The following NRXN3 variants were observed in gnomAD, a reference collection of about 807,000 sequenced individuals.
NRXN3 encodes the protein neurexin III.
A neutral mutation model predicts 137.6 loss-of-function variants in NRXN3; 32 were observed. The observed-to-expected ratio is 0.23, with a 90% CI of 0.18 to 0.31. NRXN3 has a LOEUF of 0.31. NRXN3 is among the 10% of genes least tolerant of loss of function. The pLI is 1.00. For missense variants in NRXN3, 1,574 were observed against 2,062.5 expected (o/e 0.76, Z 4.59); for synonymous variants, 798 against 784.5 (o/e 1.02, Z -0.29).
At chr14:78,712,643 A>G (rs890290427) in intron 7 of NRXN3, among the ~76,000 whole-genome samples, 4 of 152,184 alleles carry the variant, frequency 2.6e-5, no homozygotes, top group Admixed American at 6.5e-5. Flanking sequence ...GCTCTCTGCA[A>G]TCCCCACCTC....
chr14:78,935,777 C>T (rs966463800), intron 10 of NRXN3, among the ~76,000 whole-genome samples: 14 of 152,112 alleles, frequency 9.2e-5, no homozygotes, highest in Non-Finnish European at 4.4e-5. Flanking sequence ...CTCTTCTTTT[C>T]TTTGTTTCAT....
chr14:79,056,185 G>C (rs928377144), intron 15 of NRXN3, among the ~76,000 whole-genome samples: 1 of 152,146 alleles, frequency 6.6e-6, no homozygotes, highest in African/African-American at 2.4e-5. Context: ...GGAAGCAAGG[G>C]TGCATAGGAA....
chr14:79,701,897 A>G (rs1309427665), intron 19 of NRXN3, among the ~76,000 whole-genome samples: 2 of 152,220 alleles, frequency 1.3e-5, no homozygotes, highest in African/African-American at 4.8e-5. Context: ...TAAAATGCTT[A>G]AAATAAGTGT....
chr14:79,597,264 G>C (rs73326100), intron 16 of NRXN3, among the ~76,000 whole-genome samples: 13,752 of 152,092 alleles, frequency 0.09, 1,310 homozygotes, highest in African/African-American at 0.24. Flanking sequence ...CTTCTCAGAA[G>C]TACTAAAAGT....
At chr14:79,853,576 C>G (rs749046796) in intron 20 of NRXN3, 1 of 1,351,680 alleles carries the variant, frequency 7.4e-7, no homozygotes, top group Non-Finnish European at 9.8e-7. Flanking sequence ...TCCGTGCCGC[C>G]CTTACATGGA....
intron 1 of NRXN3, among the ~76,000 whole-genome samples, chr14:78,200,448 A>G (rs1361410058): frequency 6.6e-6 from 1 of 152,146 alleles, no homozygotes; most frequent in East Asian, 1.9e-4. Context: ...TCTTCTGGGA[A>G]CTTGTGTGAA....
intron 10 of NRXN3, among the ~76,000 whole-genome samples, chr14:78,869,473 A>G (rs2099096092): frequency 6.6e-6 from 1 of 152,098 alleles, no homozygotes; most frequent in Non-Finnish European, 1.5e-5. Flanking sequence ...ATCTAAACTT[A>G]TGTTTCTCTG....
chr14:79,062,828 A>G (rs2152671949), intron 15 of NRXN3, among the ~76,000 whole-genome samples: 1 of 152,342 alleles, frequency 6.6e-6, no homozygotes, highest in Non-Finnish European at 1.5e-5. Flanking sequence ...AGAGAAAAAT[A>G]TAAAACACGA....
intron 8 of NRXN3, among the ~76,000 whole-genome samples, chr14:78,785,088 T>C (rs2098784658): frequency 6.6e-6 from 1 of 152,104 alleles, no homozygotes; most frequent in South Asian, 2.1e-4. Context: ...AGTCCAACTA[T>C]AAGAGAAAAA....
chr14:79,784,614 C>CTTTTTTTTTTTT (rs540234381), intron 19 of NRXN3, among the ~76,000 whole-genome samples: 1 of 76,622 alleles, frequency 1.3e-5, no homozygotes, highest in Non-Finnish European at 2.5e-5. Flanking sequence ...TGTTGTGTTG[C>CTTTTTTTTTTTT]TTTTTTTTTT....
At chr14:78,492,752 C>T (rs568335739) in intron 4 of NRXN3, among the ~76,000 whole-genome samples, 3 of 152,232 alleles carry the variant, frequency 2.0e-5, no homozygotes, top group South Asian at 4.2e-4. Flanking sequence ...AAAACTCTGA[C>T]GTGGTGTTAG....
At chr14:78,489,798 G>A (rs918412068) in intron 4 of NRXN3, among the ~76,000 whole-genome samples, 3 of 152,102 alleles carry the variant, frequency 2.0e-5, no homozygotes, top group Non-Finnish European at 4.4e-5. Flanking sequence ...AGGCTACATG[G>A]AGAAATCAGA....
At chr14:79,305,387 T>G (rs1401157948) in intron 15 of NRXN3, among the ~76,000 whole-genome samples, 1 of 152,050 alleles carries the variant, frequency 6.6e-6, no homozygotes, top group Non-Finnish European at 1.5e-5. Context: ...TCTCAGAACA[T>G]TCTTCTAACA....
intron 9 of NRXN3, among the ~76,000 whole-genome samples, chr14:78,805,462 C>T (rs1476049892): frequency 6.6e-6 from 1 of 152,034 alleles, no homozygotes; most frequent in Non-Finnish European, 1.5e-5. Context: ...GCGTATTGAG[C>T]AGCCTACAGA....
chr14:79,609,490 C>G (rs1007665363), intron 16 of NRXN3, among the ~76,000 whole-genome samples: 2 of 152,066 alleles, frequency 1.3e-5, no homozygotes, highest in Non-Finnish European at 2.9e-5. Flanking sequence ...GATTTTGAAT[C>G]AAGAAGAGGA....
At chr14:78,598,290 G>A (rs1385836773) in intron 4 of NRXN3, among the ~76,000 whole-genome samples, 1 of 152,098 alleles carries the variant, frequency 6.6e-6, no homozygotes, top group Non-Finnish European at 1.5e-5. Context: ...CCGCTGACAC[G>A]TGAGCAAGGG....
intron 4 of NRXN3, among the ~76,000 whole-genome samples, chr14:78,402,514 G>A (rs992332396): frequency 7.2e-5 from 11 of 152,290 alleles, no homozygotes; most frequent in African/African-American, 2.6e-4. Context: ...GTTTGGTGAT[G>A]TCCTTAACAA....
At chr14:78,812,632 G>T in intron 10 of NRXN3, among the ~76,000 whole-genome samples, 1 of 152,198 alleles carries the variant, frequency 6.6e-6, no homozygotes, top group East Asian at 1.9e-4. Flanking sequence ...TGACACAGAT[G>T]ACAGCAGGTT....
intron 15 of NRXN3, among the ~76,000 whole-genome samples, chr14:79,437,254 G>A (rs2095859611): frequency 6.6e-6 from 1 of 152,050 alleles, no homozygotes; most frequent in African/African-American, 2.4e-5. Context: ...AGTTCCCAGT[G>A]TCTGGAATGA....
Sources: allele counts gnomAD v4.1 joint callset (sites outside exome capture counted in the v4.1 genomes callset), GRCh38; gene constraint gnomAD v4.1.1; transcripts MANE v1.5; gene names NCBI Gene and HGNC (gene_info 2026-07-23, HGNC 2026-07-21).